Variants in RAB20 observed in about 807,000 individuals in gnomAD.
RAB20 encodes the protein RAB20, member RAS oncogene family, also known as ras-related protein Rab-20.
In RAB20, 2 loss-of-function variants were observed where a neutral mutation model predicts 3.7. The observed-to-expected ratio is 0.54, with a 90% CI of 0.22 to 1.69. The LOEUF (loss-of-function observed/expected upper bound fraction) is 1.69, where lower values mean the gene tolerates loss of function less well. RAB20 is among the 40% of genes most tolerant of loss of function. RAB20 has a pLI of 0.19. For missense variants in RAB20, 276 were observed against 311.9 expected (o/e 0.88, Z 0.87); for synonymous variants, 126 against 130.8 (o/e 0.96, Z 0.25).
Position 110,527,180 on chromosome 13 carries a change from T to C in RAB20, c.173-2983A>G, listed in dbSNP as rs78610918. ...CCAATCTTTCTGAAATGGCCACACA[T>C]TCTGATGACGCCAAGTCCTCAAACC... On this transcript the variant is annotated intron_variant, in intron 1 of 1. Transcript: ENST00000267328. Among the ~76,000 whole-genome samples, 986 of 152,112 alleles carry C rather than the reference T, an allele frequency of 6.5e-3. 5 individuals are homozygous for C. Among genetic ancestry groups the C allele is most frequent in the African/African-American group, 0.022 (931 of 41,492 alleles).
chr13:110,560,180 C>T (rs547546904), intron 1 of RAB20, among the ~76,000 whole-genome samples: 2 of 152,250 alleles, frequency 1.3e-5, no homozygotes, highest in African/African-American at 4.8e-5. Context: ...ATCCTGCAGC[C>T]TGAGGCAGAA....
At chr13:110,526,513 A>AG (rs1884433156) in intron 1 of RAB20, among the ~76,000 whole-genome samples, 1 of 152,212 alleles carries the variant, frequency 6.6e-6, no homozygotes, top group African/African-American at 2.4e-5. Context: ...TGTCACTCTG[A>AG]GGGCAACTTC....
At chr13:110,544,669 T>C (rs1048983336) in intron 1 of RAB20, among the ~76,000 whole-genome samples, 1 of 152,168 alleles carries the variant, frequency 6.6e-6, no homozygotes, top group African/African-American at 2.4e-5. Flanking sequence ...CAGACGGGAA[T>C]ACTGGAGCCT....
chr13:110,561,299 T>C, intron 1 of RAB20, 49 bp downstream of exon 1: 2 of 1,498,834 alleles, frequency 1.3e-6, no homozygotes, highest in Non-Finnish European at 1.8e-6. Context: ...GCGCCCCCCG[T>C]CCCCGGCGGA....
At position 110,555,887 on chromosome 13, in the gene RAB20, C is replaced by T. The variant is rs1885030658; in HGVS notation, c.172+5461G>A. Among the ~76,000 whole-genome samples, 1 of 152,158 alleles carries T rather than the reference C, an allele frequency of 6.6e-6. No homozygotes were observed. Among genetic ancestry groups the T allele is most frequent in the Non-Finnish European group, 1.5e-5 (1 of 68,016 alleles). On this transcript the variant is annotated intron_variant, in intron 1 of 1. Coordinates refer to ENST00000267328, the MANE Select transcript of RAB20 (RefSeq NM_017817.3). This position sits in a 1 kb window ranked among gnomAD's most constrained non-coding sequence, Gnocchi z 4.0. ...TTATTAGAGACTTGTTTGCTAGGGG[C>T]CCAGCTGAGCCTCCCTCCTCCCTTT...
chr13:110,557,888 G>C (rs1407243002), intron 1 of RAB20, among the ~76,000 whole-genome samples: 3 of 152,272 alleles, frequency 2.0e-5, no homozygotes, highest in Non-Finnish European at 4.4e-5. Context: ...CTGGGGACCA[G>C]GTCTGTGCTG....
intron 1 of RAB20, among the ~76,000 whole-genome samples, chr13:110,536,839 C>T (rs959864472): frequency 3.4e-5 from 5 of 147,416 alleles, no homozygotes; most frequent in Admixed American, 1.4e-4. Context: ...TGCAGGTTTG[C>T]TACATATGTA....
At chr13:110,538,049 G>A (rs1244300537) in intron 1 of RAB20, among the ~76,000 whole-genome samples, 1 of 152,102 alleles carries the variant, frequency 6.6e-6, no homozygotes, top group Non-Finnish European at 1.5e-5. Context: ...AGACCAGTCT[G>A]GGCAACATGG....
At chr13:110,547,470 G>A (rs1336079706) in intron 1 of RAB20, among the ~76,000 whole-genome samples, 1 of 152,232 alleles carries the variant, frequency 6.6e-6, no homozygotes, top group Non-Finnish European at 1.5e-5. Context: ...GGCACCCCAT[G>A]CACGAAATAG....
rs148677760 is a variant in RAB20, at chr13:110,527,942, CAT to C, written c.173-3747_173-3746del. 6.4e-3 allele frequency among the ~76,000 whole-genome samples: 784 copies of C among 122,496 alleles called. 11 individuals carry two copies. Among genetic ancestry groups the C allele is most frequent in the African/African-American group, 0.026 (687 of 26,154 alleles). 80.4% of individuals were successfully genotyped at this position (122,496 alleles called of 152,430 possible). A position where few individuals can be genotyped will look rare whatever the true frequency, so the allele number is the denominator to read the frequency against. ...ACACACACACACACACACACACACA[CAT>C]ACACTTTAATTAGCCAGGCATGGTG... On this transcript the variant is annotated intron_variant, in intron 1 of 1. Coordinates refer to ENST00000267328, the MANE Select transcript of RAB20 (RefSeq NM_017817.3).
intron 1 of RAB20, among the ~76,000 whole-genome samples, chr13:110,553,337 T>C (rs1450326149): frequency 6.6e-6 from 1 of 152,254 alleles, no homozygotes; most frequent in Non-Finnish European, 1.5e-5. Flanking sequence ...GAGAGCTGCT[T>C]GTTGAGTTGA....
chr13:110,536,725 GCGGT>G (rs1566586063), intron 1 of RAB20, among the ~76,000 whole-genome samples: 2 of 70,270 alleles, frequency 2.8e-5, no homozygotes, highest in African/African-American at 5.6e-5. Context: ...TTTTTTTGGG[GCGGT>G]GGGGGGGGGT....
At position 110,561,530 on chromosome 13, in the gene RAB20, G is replaced by T; in HGVS notation, c.-11C>A. On this transcript the variant is annotated 5_prime_UTR_variant, in exon 1 of 2. Transcript: ENST00000267328. ...GTCGGGCTTCCTCATCTTCCCGTAA[G>T]AACCCCCAGCGCCCCCGCGCCCTCT... 6.4e-7 allele frequency: 1 copy of T among 1,556,366 alleles called. No homozygotes were observed. The highest frequency in any genetic ancestry group is 8.7e-7 in the Non-Finnish European group (1 of 1,151,810).
chr13:110,543,142 T>A (rs1364934835), intron 1 of RAB20, among the ~76,000 whole-genome samples: 1 of 152,220 alleles, frequency 6.6e-6, no homozygotes, highest in Non-Finnish European at 1.5e-5. Context: ...TATTTTTTTT[T>A]ATTTTTATTT....
At chr13:110,535,421 GAATA>G (rs1007476819) in intron 1 of RAB20, among the ~76,000 whole-genome samples, 2 of 152,190 alleles carry the variant, frequency 1.3e-5, no homozygotes, top group African/African-American at 4.8e-5. Context: ...TTACAGAAAC[GAATA>G]AATAACACAT....
intron 1 of RAB20, among the ~76,000 whole-genome samples, chr13:110,558,855 G>A (rs1423581286): frequency 6.6e-6 from 1 of 151,784 alleles, no homozygotes; most frequent in Admixed American, 6.6e-5. Flanking sequence ...GCGCCACCAC[G>A]CCCTGCTAAC....
intron 1 of RAB20, among the ~76,000 whole-genome samples, chr13:110,560,881 C>T (rs569881210): frequency 6.6e-6 from 1 of 152,238 alleles, no homozygotes; most frequent in African/African-American, 2.4e-5. Context: ...TATTTCCTCT[C>T]TCCTGACTAA....
intron 1 of RAB20, among the ~76,000 whole-genome samples, chr13:110,561,146 G>A (rs2893368): frequency 0.14 from 21,635 of 152,230 alleles, 4,897 homozygotes; most frequent in African/African-American, 0.48. Context: ...TGCAACTTGG[G>A]TTGTCCCTGA....
chr13:110,549,925 T>C (rs887909570), intron 1 of RAB20, among the ~76,000 whole-genome samples: 6 of 152,140 alleles, frequency 3.9e-5, no homozygotes, highest in African/African-American at 7.2e-5. Flanking sequence ...AGTCTCGCCA[T>C]GTTGGCCGGG....
Sources: gnomAD v4.1 joint callset for allele counts (sites outside exome capture counted in the v4.1 genomes callset) on GRCh38, gnomAD v4.1.1 for gene constraint, Gnocchi (gnomAD v3.1) non-coding constraint, MANE v1.5 for transcripts, NCBI Gene and HGNC (gene_info 2026-07-23, HGNC 2026-07-21) for gene names.